Variants in DMD observed in about 807,000 individuals in gnomAD.
The protein encoded by DMD is dystrophin.
Under a neutral mutation model 330.1 loss-of-function variants are expected in DMD, and 63 were observed. That is an observed-to-expected ratio of 0.19 (90% CI 0.16 to 0.24). The LOEUF is 0.24. Among genes scored for constraint, DMD ranks in the 10% least tolerant of loss-of-function variants. DMD has a pLI of 1.00. For missense variants in DMD, 3,344 were observed against 2,684.1 expected, an observed-to-expected ratio of 1.25 and a Z score of -5.43; for synonymous variants, 1,223 against 959.8, an observed-to-expected ratio of 1.27 and a Z score of -5.07.
chrX:32,946,260 A>C (rs1434479156), intron 2 of DMD, among the ~76,000 whole-genome samples: 1 of 111,280 alleles, frequency 9.0e-6, no homozygotes, highest in Non-Finnish European at 1.9e-5. Context: ...AGAAGTTTTC[A>C]TGTGTATTTT....
chrX:31,537,919 T>G (rs1372268378), intron 55 of DMD, among the ~76,000 whole-genome samples: 1 of 112,430 alleles, frequency 8.9e-6, no homozygotes, highest in Non-Finnish European at 1.9e-5. Context: ...TTTCAGGTTT[T>G]GGAATATTTG....
rs1268991531 is a variant in DMD, at chrX:31,948,370, T to C, written c.6615-16143A>G. ...TTTTTGAGATTCTGGTTTTAATTCT[T>C]TGGGATATATACCCAGGAGTGAGGT... is the stretch of plus-strand genomic sequence containing the variant. On this transcript the variant is annotated intron_variant, in intron 45 of 78. Coordinates refer to ENST00000357033, the MANE Select transcript of DMD (RefSeq NM_004006.3). Among the ~76,000 whole-genome samples the C allele has an allele frequency of 2.7e-5, 3 of 111,907 alleles. No homozygotes were observed. In the East Asian group the frequency reaches 8.4e-4, roughly 32 times the overall value.
At chrX:33,033,324 C>T (rs1032130713) in intron 1 of DMD, among the ~76,000 whole-genome samples, 3 of 109,202 alleles carry the variant, frequency 2.7e-5, no homozygotes, top group Middle Eastern at 8.5e-3. Flanking sequence ...ACCGAGAACA[C>T]GTCCCTCAGT....
intron 52 of DMD, among the ~76,000 whole-genome samples, chrX:31,699,238 T>C (rs2083640926): frequency 8.9e-6 from 1 of 112,113 alleles, no homozygotes; most frequent in Admixed American, 9.5e-5. Flanking sequence ...CAAAGGAGGA[T>C]AGATTGGATG....
Position 32,165,509 on chromosome X carries a change from A to G in DMD, c.6438+51407T>C, listed in dbSNP as rs750740027. Among the ~76,000 whole-genome samples, 8 of 112,409 alleles carry G rather than the reference A, an allele frequency of 7.1e-5. No individual in the cohort carries two copies. In the South Asian group the frequency reaches 2.9e-3, roughly 41 times the overall value. On this transcript the variant is annotated intron_variant, in intron 44 of 78. Transcript: ENST00000357033. ...TACCCAGTGCCTGTGCTTCCATTTTATCTAGGAAGTAACTAACTTGCTTTT... is the reference window on the plus strand; with the variant it reads ...TACCCAGTGCCTGTGCTTCCATTTTGTCTAGGAAGTAACTAACTTGCTTTT...
At chrX:32,740,043 T>C (rs1200832755) in intron 7 of DMD, among the ~76,000 whole-genome samples, 2 of 109,686 alleles carry the variant, frequency 1.8e-5, no homozygotes, top group East Asian at 2.9e-4. Context: ...TACTTTGATA[T>C]GGCCATGTGA....
At chrX:31,457,996 T>TTTTTGGTCTTCACTTCA (rs1279855453) in intron 59 of DMD, among the ~76,000 whole-genome samples, 3 of 111,817 alleles carry the variant, frequency 2.7e-5, no homozygotes, top group Non-Finnish European at 5.6e-5. Flanking sequence ...GTAATTAATG[T>TTTTTGGTCTTCACTTCA]TTTTAGCCTT....
intron 54 of DMD, among the ~76,000 whole-genome samples, chrX:31,630,514 C>T (rs1216522167): frequency 1.8e-5 from 2 of 110,847 alleles, no homozygotes; most frequent in East Asian, 5.6e-4. Flanking sequence ...TACGTTGAAT[C>T]CCTAAATTTT....
chrX:33,238,859 T>C (rs1038468078), intron 1 of DMD, among the ~76,000 whole-genome samples: 31 of 110,892 alleles, frequency 2.8e-4, no homozygotes, highest in African/African-American at 5.2e-4. Context: ...GCTATCTAGG[T>C]TTAAGTGAGG....
intron 23 of DMD, among the ~76,000 whole-genome samples, chrX:32,466,027 C>T (rs954773933): frequency 9.0e-6 from 1 of 111,326 alleles, no homozygotes; most frequent in Non-Finnish European, 1.9e-5. Context: ...GTTTTGAAAA[C>T]ACAAGTGGAA....
intron 52 of DMD, among the ~76,000 whole-genome samples, chrX:31,703,011 T>C (rs1232943165): frequency 1.8e-5 from 2 of 110,057 alleles, no homozygotes; most frequent in Non-Finnish European, 3.8e-5. Context: ...TGCACCACCA[T>C]GCCCAGCTAT....
rs770516154 is a variant in DMD at position 31,121,917 on chromosome X, T to C, written c.*2A>G. 1 of 1,200,995 alleles carries C rather than the reference T, an allele frequency of 8.3e-7. No individual in the cohort carries two copies. Among genetic ancestry groups the C allele is most frequent in the Non-Finnish European group, 1.1e-6 (1 of 886,189 alleles). ...AATCATCTGCCATGTGGAAAAGACTTCCTACATTGTGTCCTGGAAAACAAA... is the reference window on the plus strand; with the variant it reads ...AATCATCTGCCATGTGGAAAAGACTCCCTACATTGTGTCCTGGAAAACAAA... On this transcript the variant is annotated 3_prime_UTR_variant, in exon 79 of 79. Coordinates refer to ENST00000357033, the MANE Select transcript of DMD (RefSeq NM_004006.3).
At chrX:31,262,745 A>T (rs2050648455) in intron 62 of DMD, among the ~76,000 whole-genome samples, 2 of 112,389 alleles carry the variant, frequency 1.8e-5, no homozygotes, top group African/African-American at 6.5e-5. Context: ...GGGTTTTAGG[A>T]CACCCCATGA....
intron 1 of DMD, among the ~76,000 whole-genome samples, chrX:33,182,463 GGTCTCACTCTGTT>G (rs1416241756): frequency 1.8e-5 from 2 of 109,641 alleles, no homozygotes; most frequent in South Asian, 8.0e-4. Context: ...GTAGAGATGA[GGTCTCACTCTGTT>G]GTCCAGGGTG....
chrX:32,390,722 G>A (rs1179676835), intron 30 of DMD, among the ~76,000 whole-genome samples: 1 of 110,704 alleles, frequency 9.0e-6, no homozygotes, highest in Non-Finnish European at 1.9e-5. Flanking sequence ...GTCTTGCTAT[G>A]TGACCCAGCC....
Position 31,496,811 on chromosome X carries a change from G to C in DMD, c.8524C>G (p.Gln2842Glu). 1 of 1,212,050 alleles carries C rather than the reference G, an allele frequency of 8.3e-7. No homozygotes were observed. Among genetic ancestry groups the C allele is most frequent in the East Asian group, 3.0e-5 (1 of 33,847 alleles). The change falls in exon 57 of 79, where the codon CAG becomes GAG. Residue 2842 changes from glutamine (Q) to glutamate (E), a missense_variant. Transcript: ENST00000357033. ...ACCCTATGTACATCGTTCTGCTTCT[G>C]AACTGCTGGAAAGTCGCCTCCAATA... The part of the protein sequence containing the change: ...APIGGDFPAV[Q>E]KQNDVHRAFK...
intron 44 of DMD, among the ~76,000 whole-genome samples, chrX:32,147,275 G>A (rs2096782371): frequency 1.8e-5 from 2 of 111,528 alleles, no homozygotes; most frequent in Non-Finnish European, 3.8e-5. Context: ...CCAAGTTAAT[G>A]AGTTATTTCA....
At chrX:32,162,306 C>T (rs1003922490) in intron 44 of DMD, among the ~76,000 whole-genome samples, 8 of 110,988 alleles carry the variant, frequency 7.2e-5, no homozygotes, top group African/African-American at 1.3e-4. Context: ...AAATATTTCT[C>T]GGGGTGAATC....
intron 7 of DMD, among the ~76,000 whole-genome samples, chrX:32,720,838 C>T (rs2066226138): frequency 9.0e-6 from 1 of 111,513 alleles, no homozygotes; most frequent in Non-Finnish European, 1.9e-5. Context: ...ATTTATCCCA[C>T]ATAACTGCAA....
Sources: gnomAD v4.1 joint callset for allele counts (sites outside exome capture counted in the v4.1 genomes callset) on GRCh38, gnomAD v4.1.1 for gene constraint, MANE v1.5 for transcripts, NCBI Gene and HGNC (gene_info 2026-07-23, HGNC 2026-07-21) for gene names.